EFNA5: variants seen among roughly 807,000 people sequenced by gnomAD.
The protein encoded by EFNA5 is ephrin-A5.
Under a neutral mutation model 22.9 loss-of-function variants are expected in EFNA5, and 5 were observed. The ratio of observed to expected loss-of-function variants is 0.22; its 90% CI spans 0.11 to 0.46. EFNA5 has a LOEUF of 0.46. EFNA5 is among the 20% of genes least tolerant of loss of function. The probability of loss-of-function intolerance (pLI) is 0.99; values close to 1 mark genes in which losing one functional copy is unlikely to be tolerated. For synonymous variants in EFNA5, 113 were observed against 112.2 expected (o/e 1.01, Z -0.04); for missense variants, 237 against 293.3 (o/e 0.81, Z 1.40).
intron 1 of EFNA5, among the ~76,000 whole-genome samples, chr5:107,646,595 A>G (rs536991308): frequency 3.3e-5 from 5 of 152,274 alleles, no homozygotes; most frequent in African/African-American, 1.2e-4. Flanking sequence ...TTACAAATCT[A>G]CTTGAGTTCC....
intron 1 of EFNA5, among the ~76,000 whole-genome samples, chr5:107,581,723 T>G (rs1200027783): frequency 2.6e-5 from 4 of 152,224 alleles, no homozygotes; most frequent in Non-Finnish European, 5.9e-5. Flanking sequence ...GCCTGCTTAG[T>G]GTGTAAATGG....
intron 1 of EFNA5, among the ~76,000 whole-genome samples, chr5:107,527,883 G>A (rs1747729429): frequency 6.6e-6 from 1 of 151,932 alleles, no homozygotes; most frequent in Non-Finnish European, 1.5e-5. Flanking sequence ...CTGACTCCGG[G>A]GCCTTCTCCT....
At chr5:107,604,459 A>G (rs1173826728) in intron 1 of EFNA5, among the ~76,000 whole-genome samples, 2 of 152,184 alleles carry the variant, frequency 1.3e-5, no homozygotes, top group Non-Finnish European at 2.9e-5. Flanking sequence ...CATGAGCTGG[A>G]AGAGAGAAAC....
intron 1 of EFNA5, among the ~76,000 whole-genome samples, chr5:107,457,785 T>G (rs1013624096): frequency 8.5e-5 from 13 of 152,172 alleles, no homozygotes; most frequent in African/African-American, 3.1e-4. Context: ...AAACACACAA[T>G]TGTTCTACTA....
intron 1 of EFNA5, among the ~76,000 whole-genome samples, chr5:107,495,329 G>A (rs1252757799): frequency 1.3e-5 from 2 of 152,082 alleles, no homozygotes; most frequent in Non-Finnish European, 2.9e-5. Context: ...TCACCTCGAA[G>A]GTCTGCAGCT....
intron 2 of EFNA5, among the ~76,000 whole-genome samples, chr5:107,424,381 ATT>A (rs35528582): frequency 4.2e-4 from 53 of 125,808 alleles, no homozygotes; most frequent in South Asian, 7.4e-4. Flanking sequence ...TAATTTTTGT[ATT>A]TTTTTTTTTT....
At chr5:107,439,282 C>A (rs780128200) in intron 1 of EFNA5, among the ~76,000 whole-genome samples, 1 of 152,134 alleles carries the variant, frequency 6.6e-6, no homozygotes, top group Non-Finnish European at 1.5e-5. Context: ...AGCCCCCCAC[C>A]GGAAATCAAC....
intron 1 of EFNA5, among the ~76,000 whole-genome samples, chr5:107,663,210 C>T (rs1377376183): frequency 7.3e-6 from 1 of 137,316 alleles, no homozygotes; most frequent in Non-Finnish European, 1.5e-5. Flanking sequence ...AACAAGATGG[C>T]TGCTTCTAGG....
intron 1 of EFNA5, among the ~76,000 whole-genome samples, chr5:107,467,388 C>T (rs533092366): frequency 2.0e-5 from 3 of 152,232 alleles, no homozygotes; most frequent in Non-Finnish European, 4.4e-5. Context: ...CTAGCACTGG[C>T]TAATCTCTCC....
At chr5:107,557,779 A>G (rs1200884647) in intron 1 of EFNA5, among the ~76,000 whole-genome samples, 1 of 152,204 alleles carries the variant, frequency 6.6e-6, no homozygotes, top group Non-Finnish European at 1.5e-5. Context: ...TGTTACCATT[A>G]CATGTGTTTA....
At chr5:107,571,774 G>T (rs1456348597) in intron 1 of EFNA5, among the ~76,000 whole-genome samples, 1 of 152,162 alleles carries the variant, frequency 6.6e-6, no homozygotes, top group Non-Finnish European at 1.5e-5. Flanking sequence ...GCTCTGCACT[G>T]CGTTATGAAA....
chr5:107,639,300 C>T lies in EFNA5; in HGVS notation c.125+31189G>A, dbSNP rs535001988. Among the ~76,000 whole-genome samples, 164 of 152,286 alleles carry T rather than the reference C, an allele frequency of 1.1e-3. 1 individual carries two copies. The highest frequency in any genetic ancestry group is 1.9e-3 in the Non-Finnish European group (128 of 68,020). On this transcript the variant is annotated intron_variant, in intron 1 of 4. Coordinates refer to ENST00000333274, the MANE Select transcript of EFNA5 (RefSeq NM_001962.3). ...GGTAAATTCGGTAAGATGACATATA[C>T]CTGCTTAAACAATAGTGCTAGCAGC... is the stretch of plus-strand genomic sequence containing the variant.
chr5:107,544,471 A>T (rs1748109068), intron 1 of EFNA5, among the ~76,000 whole-genome samples: 2 of 152,164 alleles, frequency 1.3e-5, no homozygotes, highest in South Asian at 4.1e-4. Flanking sequence ...ACAGACCAGG[A>T]GCAAGGTTGT....
chr5:107,539,690 C>T (rs1243673061), intron 1 of EFNA5, among the ~76,000 whole-genome samples: 2 of 152,120 alleles, frequency 1.3e-5, no homozygotes, highest in South Asian at 2.1e-4. Flanking sequence ...AACTCCTGAC[C>T]TCATGATCCA....
At chr5:107,412,574 G>A (rs1291419983) in intron 2 of EFNA5, among the ~76,000 whole-genome samples, 1 of 151,978 alleles carries the variant, frequency 6.6e-6, no homozygotes, top group South Asian at 2.1e-4. Flanking sequence ...ATTTCTCCAC[G>A]TTTCTCAGGT....
At chr5:107,519,937 A>G (rs1747560104) in intron 1 of EFNA5, among the ~76,000 whole-genome samples, 1 of 152,222 alleles carries the variant, frequency 6.6e-6, no homozygotes, top group African/African-American at 2.4e-5. Flanking sequence ...GCGACAAAGC[A>G]CAATGACTTA....
chr5:107,404,798 C>T (rs1172368973), intron 2 of EFNA5, among the ~76,000 whole-genome samples: 1 of 152,112 alleles, frequency 6.6e-6, no homozygotes, highest in Non-Finnish European at 1.5e-5. Flanking sequence ...AAGGCCCTTC[C>T]AGAAAAGTCT....
intron 1 of EFNA5, among the ~76,000 whole-genome samples, chr5:107,564,263 G>A (rs1158121594): frequency 1.3e-5 from 2 of 152,168 alleles, no homozygotes; most frequent in African/African-American, 4.8e-5. Context: ...GTTAAAGGCA[G>A]AACTTCTTGT....
Position 107,539,187 on chromosome 5 carries a change from G to A in EFNA5, c.126-111678C>T, listed in dbSNP as rs77315596. 7.1e-3 allele frequency among the ~76,000 whole-genome samples: 1,083 copies of A among 152,316 alleles called. 22 individuals are homozygous for A. The highest frequency in any genetic ancestry group is 0.024 in the African/African-American group (997 of 41,572). The stretch of plus-strand genomic sequence containing the variant: ...AAAGATAATCATGCCCTACATGCCT[G>A]GACTATTTAAGGCCACATGTGCTAA... On this transcript the variant is annotated intron_variant, in intron 1 of 4. Coordinates refer to ENST00000333274, the MANE Select transcript of EFNA5 (RefSeq NM_001962.3).
Sources: allele counts gnomAD v4.1 joint callset (sites outside exome capture counted in the v4.1 genomes callset), GRCh38; gene constraint gnomAD v4.1.1; transcripts MANE v1.5; gene names NCBI Gene and HGNC (gene_info 2026-07-23, HGNC 2026-07-21).